The following RBM15 variants were observed in gnomAD, a reference collection of about 807,000 sequenced individuals.
The protein encoded by RBM15 is RNA-binding protein 15.
In RBM15, 8 loss-of-function variants were observed where a neutral mutation model predicts 62.6. The ratio of observed to expected loss-of-function variants is 0.13; its 90% CI spans 0.07 to 0.23. The LOEUF (loss-of-function observed/expected upper bound fraction) is 0.23. Ranked by LOEUF, RBM15 falls within the 10% of genes least tolerant of loss-of-function variation. The pLI, the probability that RBM15 is intolerant of heterozygous loss-of-function variation, is 1.00. For synonymous variants in RBM15, 606 were observed against 505.7 expected (o/e 1.20, Z -2.66); for missense variants, 1,144 against 1,286.5 (o/e 0.89, Z 1.69).
At position 110,339,719 on chromosome 1, in the gene RBM15, G is replaced by A. The variant is rs1557890529; in HGVS notation, c.314G>A (p.Ser105Asn). The stretch of plus-strand genomic sequence containing the variant: ...AGTCTCCACCTGGACAAGTCCAGCA[G>A]TCGAGGTGGCAGCCGCGAGTATGAT... ...RRSLHLDKSS[S>N]RGGSREYDTG... Residue 105 changes from serine to asparagine, a missense_variant, in exon 1 of 3, where the codon AGT (serine) becomes AAT (asparagine). Ser to Asn is a conservative substitution (Grantham distance 46). Transcript: ENST00000369784. The A allele has an allele frequency of 6.2e-7, 1 of 1,612,940 alleles. No individual in the cohort carries two copies. The highest frequency in any genetic ancestry group is 8.5e-7 in the Non-Finnish European group (1 of 1,179,836).
Position 110,340,203 on chromosome 1 carries a change from T to C in RBM15, c.798T>C (p.Tyr266=), listed in dbSNP as rs777839337. The change falls in exon 1 of 3, where the codon TAT becomes TAC. Residue 266 remains tyrosine, a synonymous_variant. Transcript: ENST00000369784. This position sits in a 1 kb window ranked among gnomAD's most constrained non-coding sequence, Gnocchi z 5.8. ...GCTCCCCTTTAGACAAAGATACTTA[T>C]CCTCCATCAGCCAGTGTGGTCGGGG... is the stretch of plus-strand genomic sequence containing the variant. ...RSRSPLDKDT[Y]PPSASVVGAS... The C allele has an allele frequency of 2.0e-5, 33 of 1,613,996 alleles. No individual in the cohort carries two copies. The highest frequency in any genetic ancestry group is 2.4e-5 in the Non-Finnish European group (28 of 1,179,990).
Position 110,339,792 on chromosome 1 carries a change from G to T in RBM15, c.387G>T (p.Pro129=), listed in dbSNP as rs1361545569. The change falls in exon 1 of 3, where the codon CCG becomes CCT. Residue 129 remains proline (P), a synonymous_variant. Transcript: ENST00000369784. ...SSSRLHSYSS[P]STKNSSGGGE... is the part of the protein sequence containing the mutation. The stretch of plus-strand genomic sequence containing the variant: ...GCCGCTTGCATAGTTATAGCTCCCC[G>T]AGCACCAAAAATTCTTCGGGCGGGG... The T allele has an allele frequency of 1.2e-6, 2 of 1,602,874 alleles. No homozygotes were observed. Among genetic ancestry groups the T allele is most frequent in the Admixed American group, 1.7e-5 (1 of 59,684 alleles).
In RBM15 at chr1:110,339,675, C is replaced by T. The variant is rs1452483518; in HGVS notation, c.270C>T (p.Ser90=). The T allele has an allele frequency of 6.2e-7, 1 of 1,612,864 alleles. No individual in the cohort carries two copies. Among genetic ancestry groups the T allele is most frequent in the African/African-American group, 1.3e-5 (1 of 74,896 alleles). Residue 90 remains serine (S), a synonymous_variant, in exon 1 of 3, where the codon AGC becomes AGT. Coordinates refer to ENST00000369784, the MANE Select transcript of RBM15 (RefSeq NM_022768.5). ...GGAGCAGCAGCGGAAAGACCGATAG[C>T]GGCGGTGGGTCGCGGCGGAGTCTCC... is the stretch of plus-strand genomic sequence containing the variant. ...SNGSSSGKTD[S]GGGSRRSLHL...
chr1:110,340,638 C>A lies in RBM15; in HGVS notation c.1233C>A (p.Gly411=). The A allele has an allele frequency of 6.2e-7, 1 of 1,614,186 alleles. No individual in the cohort carries two copies. The highest frequency in any genetic ancestry group is 1.1e-5 in the South Asian group (1 of 91,086). Residue 411 remains glycine, a synonymous_variant, in exon 1 of 3, where the codon GGC becomes GGA. Transcript: ENST00000369784. This position sits in a 1 kb window ranked among gnomAD's most constrained non-coding sequence, Gnocchi z 5.8. Reference sequence around the variant, plus strand: ...TAGATATCAAGAGGCCTTCTCGCGGCCAGACTAGTACTTACGGCTTTCTCA... The same window carrying A: ...TAGATATCAAGAGGCCTTCTCGCGGACAGACTAGTACTTACGGCTTTCTCA... The part of the protein sequence containing the change: ...TEVDIKRPSR[G]QTSTYGFLKF...
At position 110,345,599 on chromosome 1, in the gene RBM15, C is replaced by T. The variant is rs868223525; in HGVS notation, c.2924C>T (p.Thr975Ile). ...AAGAAGAGAGAAAACTTGGCGCTGA[C>T]CCTGTTATAGTGGTTATAGTGGTGT... ...ENKKRENLAL[T>I]LL Residue 975 changes from threonine to isoleucine, a missense_variant, in exon 2 of 3, where the codon ACC becomes ATC. Coordinates refer to ENST00000369784, the MANE Select transcript of RBM15 (RefSeq NM_022768.5). 2 of 1,611,526 alleles carry T rather than the reference C, an allele frequency of 1.2e-6. No homozygotes were observed. The highest frequency in any genetic ancestry group is 3.3e-4 in the Middle Eastern group (2 of 6,052).
Position 110,339,516 on chromosome 1 carries a change from C to G in RBM15, c.111C>G (p.Asp37Glu), listed in dbSNP as rs35716347. 4 of 1,598,324 alleles carry G rather than the reference C, an allele frequency of 2.5e-6. No individual in the cohort carries two copies. The highest frequency in any genetic ancestry group is 3.4e-6 in the Non-Finnish European group (4 of 1,169,588). Reference protein sequence around the residue: ...AGRRVTQLRGDDLRRPATMKG... With the variant: ...AGRRVTQLRGEDLRRPATMKG... ...GGCGGGTTACTCAGCTCCGCGGAGA[C>G]GACCTCCGACGACCCGCAACAATGA... The change falls in exon 1 of 3, where the codon GAC (aspartate) becomes GAG (glutamate). Residue 37 changes from aspartate (D) to glutamate (E), a missense_variant. By Grantham distance (45) the Asp-to-Glu change is conservative. Around this residue, in one of 8 missense-constraint regions of RBM15, gnomAD observed 298 missense variants for 250.0 expected, o/e 1.19. Coordinates refer to ENST00000369784, the MANE Select transcript of RBM15 (RefSeq NM_022768.5).
Position 110,342,119 on chromosome 1 carries a change from G to A in RBM15, c.2714G>A (p.Ser905Asn). ...LKQKQAAGVI[S>N]LPVGGNKDKE... ...CAAAAGCAGGCAGCCGGGGTGATCA[G>A]CCTCCCTGTGGGGGGCAACAAAGAC... The change falls in exon 1 of 3, where the codon AGC (serine) becomes AAC (asparagine). Residue 905 changes from serine (S) to asparagine (N), a missense_variant. Transcript: ENST00000369784. 1.2e-6 allele frequency: 2 copies of A among 1,614,162 alleles called. No homozygotes were observed. The highest frequency in any genetic ancestry group is 1.6e-4 in the Middle Eastern group (1 of 6,062).
rs1275890226 is a variant in RBM15 at position 110,340,094 on chromosome 1, C to A, written c.689C>A (p.Ala230Glu). ...TTCCGGCGGCCAGAGGACGCGCGGG[C>A]GGCCAAGCATGCCAGAGGCCGCCTG... ...VNFRRPEDAR[A>E]AKHARGRLVL... The change falls in exon 1 of 3, where the codon GCG becomes GAG. Residue 230 changes from alanine to glutamate, a missense_variant. By Grantham distance (107) the Ala-to-Glu change is moderately radical. Around this residue, in one of 8 missense-constraint regions of RBM15, gnomAD observed 188 missense variants for 185.6 expected, o/e 1.01. Coordinates refer to ENST00000369784, the MANE Select transcript of RBM15 (RefSeq NM_022768.5). The surrounding 1 kb of genome is among the most constrained non-coding windows in gnomAD (Gnocchi z 5.8). The A allele has an allele frequency of 6.2e-7, 1 of 1,613,762 alleles. No homozygotes were observed. Among genetic ancestry groups the A allele is most frequent in the Non-Finnish European group, 8.5e-7 (1 of 1,180,006 alleles).
chr1:110,340,291 G>C lies in RBM15; in HGVS notation c.886G>C (p.Gly296Arg), dbSNP rs1051774001. 1 of 1,614,108 alleles carries C rather than the reference G, an allele frequency of 6.2e-7. No individual in the cohort carries two copies. Among genetic ancestry groups the C allele is most frequent in the Admixed American group, 1.7e-5 (1 of 60,004 alleles). ...TGGAGGCCAGAGATCACTTTCCCCT[G>C]GTGGCGCTGCTTTGGGATACAGAGA... Reference protein sequence around the residue: ...GGGGQRSLSPGGAALGYRDYR... With the variant: ...GGGGQRSLSPRGAALGYRDYR... Residue 296 changes from glycine to arginine, a missense_variant, in exon 1 of 3, where the codon GGT (glycine) becomes CGT (arginine). This residue lies in a region of RBM15 where 188 missense variants were observed against 185.6 expected (regional missense o/e 1.01). Transcript: ENST00000369784. This position sits in a 1 kb window ranked among gnomAD's most constrained non-coding sequence, Gnocchi z 5.8.
intron 1 of RBM15, among the ~76,000 whole-genome samples, chr1:110,344,169 C>T (rs1292404855): frequency 2.0e-5 from 3 of 152,148 alleles, no homozygotes; most frequent in African/African-American, 7.2e-5. Context: ...GGAGTAGACA[C>T]CTGTTCAGAA....
Position 110,339,848 on chromosome 1 carries a change from G to A in RBM15, c.443G>A (p.Gly148Asp), listed in dbSNP as rs770274257. Residue 148 changes from glycine to aspartate, a missense_variant, in exon 1 of 3, where the codon GGC (glycine) becomes GAC (aspartate). Transcript: ENST00000369784. ...TCGCGCAGCAGCTCCCGGGGTGGAG[G>A]CGGGGAGTCACGTTCCTCTGGGGCC... ...GESRSSSRGG[G>D]GESRSSGAAS... 6.3e-6 allele frequency: 10 copies of A among 1,599,576 alleles called. No homozygotes were observed. Among genetic ancestry groups the A allele is most frequent in the Non-Finnish European group, 7.7e-6 (9 of 1,169,410 alleles).
rs1213788702 is a variant in RBM15 at position 110,341,382 on chromosome 1, T to G, written c.1977T>G (p.Ser659Arg). ...GTCATCTGGATAGGTCTCCTGAGAG[T>G]GACCGCCCACGAAAACGTCACTGCG... ...GGRHLDRSPESDRPRKRHCAP... is the reference protein window; with the variant it reads ...GGRHLDRSPERDRPRKRHCAP... Residue 659 changes from serine to arginine, a missense_variant, in exon 1 of 3, where the codon AGT becomes AGG. This residue lies in a region of RBM15 where 360 missense variants were observed against 342.9 expected (regional missense o/e 1.05). Coordinates refer to ENST00000369784, the MANE Select transcript of RBM15 (RefSeq NM_022768.5). The surrounding 1 kb of genome is among the most constrained non-coding windows in gnomAD (Gnocchi z 4.5). The G allele has an allele frequency of 1.2e-6, 2 of 1,613,932 alleles. No homozygotes were observed. The highest frequency in any genetic ancestry group is 1.7e-5 in the Admixed American group (1 of 60,012).
In RBM15 at chr1:110,340,147, G is replaced by A. The variant is rs1660763044; in HGVS notation, c.742G>A (p.Glu248Lys). The change falls in exon 1 of 3, where the codon GAA becomes AAA. Residue 248 changes from glutamate (E) to lysine (K), a missense_variant. By Grantham distance (56) the Glu-to-Lys change is moderately conservative. Transcript: ENST00000369784. This position sits in a 1 kb window ranked among gnomAD's most constrained non-coding sequence, Gnocchi z 5.8. ...GCTCTATGACCGGCCTCTGAAGATAGAAGCTGTGTATGTGAGCCGGCGCCG... is the reference window on the plus strand; with the variant it reads ...GCTCTATGACCGGCCTCTGAAGATAAAAGCTGTGTATGTGAGCCGGCGCCG... ...LVLYDRPLKI[E>K]AVYVSRRRSR... 6.2e-7 allele frequency: 1 copy of A among 1,613,870 alleles called. No homozygotes were observed. The highest frequency in any genetic ancestry group is 8.5e-7 in the Non-Finnish European group (1 of 1,179,956).
intron 1 of RBM15, among the ~76,000 whole-genome samples, chr1:110,344,396 CTTT>C (rs1011578074): frequency 6.6e-6 from 1 of 151,154 alleles, no homozygotes; most frequent in African/African-American, 2.4e-5. Context: ...CTTTTACTTT[CTTT>C]TTTTTTGTTT....
chr1:110,343,834 G>T (rs1219399917), intron 1 of RBM15, among the ~76,000 whole-genome samples: 4 of 152,230 alleles, frequency 2.6e-5, no homozygotes, highest in African/African-American at 9.6e-5. Context: ...TGGTAGTTTT[G>T]AAATAGCACC....
At chr1:110,345,463 G>C in intron 1 of RBM15, 76 bp from the exon 2 acceptor site, 2 of 917,542 alleles carry the variant, frequency 2.2e-6, no homozygotes, top group Non-Finnish European at 3.6e-6. Flanking sequence ...CTTGAGAAGA[G>C]GGCCTTAATG....
chr1:110,339,603 C>A lies in RBM15; in HGVS notation c.198C>A (p.Ser66=). ...KRSRGGEDST[S]RGERSKKLGG... Reference sequence around the variant, plus strand: ...CCCGTGGTGGTGAGGACTCGACTTCCCGCGGTGAGCGGAGCAAGAAGTTAG... The same window carrying A: ...CCCGTGGTGGTGAGGACTCGACTTCACGCGGTGAGCGGAGCAAGAAGTTAG... Residue 66 remains serine, a synonymous_variant, in exon 1 of 3, where the codon TCC becomes TCA. Transcript: ENST00000369784. 1 of 1,609,540 alleles carries A rather than the reference C, an allele frequency of 6.2e-7. No individual in the cohort carries two copies. The highest frequency in any genetic ancestry group is 8.5e-7 in the Non-Finnish European group (1 of 1,176,754).
chr1:110,342,400 A>G (rs1217511378), intron 1 of RBM15, 132 bp downstream of exon 1: 2 of 652,262 alleles, frequency 3.1e-6, no homozygotes, highest in Non-Finnish European at 4.8e-6. Context: ...TCTTTTTTAT[A>G]TTTTTATAAA....
rs759348845 is a variant in RBM15, at chr1:110,341,910, C to G, written c.2505C>G (p.Leu835=). ...CCCAGCTCAAGATCACTCAGCGTCT[C>G]CGTTTGGACCAGCCCAAGTTGGATG... is the stretch of plus-strand genomic sequence containing the variant. ...KVAQLKITQR[L]RLDQPKLDEV... The change falls in exon 1 of 3, where the codon CTC becomes CTG. Residue 835 remains leucine (L), a synonymous_variant. Transcript: ENST00000369784. This position sits in a 1 kb window ranked among gnomAD's most constrained non-coding sequence, Gnocchi z 4.5. The G allele has an allele frequency of 5.1e-5, 83 of 1,614,098 alleles. No homozygotes were observed. The highest frequency in any genetic ancestry group is 6.4e-5 in the Non-Finnish European group (75 of 1,180,050).
Sources: allele counts gnomAD v4.1 joint callset (sites outside exome capture counted in the v4.1 genomes callset), GRCh38; gene constraint gnomAD v4.1.1; regional missense constraint gnomAD v4.1.1; non-coding constraint Gnocchi (gnomAD v3.1); transcripts MANE v1.5; gene names NCBI Gene and HGNC (gene_info 2026-07-23, HGNC 2026-07-21).